CFAP54: variants seen among roughly 807,000 people sequenced by gnomAD.
The protein encoded by CFAP54 is cilia- and flagella-associated protein 54.
CFAP54 carries 290 observed loss-of-function variants against 370.4 expected under a neutral mutation model. That is an observed-to-expected ratio of 0.78 (90% CI 0.71 to 0.86). The LOEUF (loss-of-function observed/expected upper bound fraction) is 0.86, where lower values mean the gene tolerates loss of function less well. CFAP54 is among the 40% of genes least tolerant of loss of function. The pLI is 0.00. For missense variants in CFAP54, 3,399 were observed against 3,528.7 expected (o/e 0.96, Z 0.93); for synonymous variants, 1,206 against 1,236.5 (o/e 0.98, Z 0.52).
intron 15 of CFAP54, among the ~76,000 whole-genome samples, chr12:96,553,266 A>T (rs1181890351): frequency 6.6e-6 from 1 of 152,190 alleles, no homozygotes; most frequent in African/African-American, 2.4e-5. Context: ...AGCAGGAATA[A>T]GTTTCAACAA....
chr12:96,863,320 C>T (rs1959924550), intron 67 of CFAP54, among the ~76,000 whole-genome samples: 1 of 152,198 alleles, frequency 6.6e-6, no homozygotes, highest in Non-Finnish European at 1.5e-5. Context: ...ATTTACCTGA[C>T]AGGCACATAT....
chr12:96,534,063 G>A lies in CFAP54; in HGVS notation c.1541G>A (p.Arg514Lys), dbSNP rs1197361997. Reference sequence around the variant, plus strand: ...ACGTGTGGGATATACTTCCCCAAGAGGCAGGATGATCCAGAGTCAAAGAAA... The same window carrying A: ...ACGTGTGGGATATACTTCCCCAAGAAGCAGGATGATCCAGAGTCAAAGAAA... ...SAVHLIYFLQRQDDPESKKAE... is the reference protein window; with the variant it reads ...SAVHLIYFLQKQDDPESKKAE... Residue 514 changes from arginine to lysine, a missense_variant and splice_region_variant, in exon 11 of 68, where the codon AGG (arginine) becomes AAG (lysine). Physicochemically the swap from Arg to Lys is conservative, Grantham distance 26 (BLOSUM62 2). Transcript: ENST00000524981. 3 of 1,518,220 alleles carry A rather than the reference G, an allele frequency of 2.0e-6. No homozygotes were observed. The highest frequency in any genetic ancestry group is 1.8e-6 in the Non-Finnish European group (2 of 1,139,610). The allele number at this position is 1,518,220 out of a possible 1,614,324, so 94.0% of individuals were successfully genotyped here. A position where few individuals can be genotyped will look rare whatever the true frequency, so the allele number is the denominator to read the frequency against.
chr12:96,670,009 G>A (rs1334986168), intron 39 of CFAP54, among the ~76,000 whole-genome samples: 1 of 152,142 alleles, frequency 6.6e-6, no homozygotes, highest in African/African-American at 2.4e-5. Flanking sequence ...TTAACACAAT[G>A]GAAAGTCTGT....
intron 43 of CFAP54, among the ~76,000 whole-genome samples, chr12:96,689,306 G>A (rs559960206): frequency 6.6e-5 from 10 of 152,082 alleles, no homozygotes; most frequent in East Asian, 5.8e-4. Context: ...GACTACAGGC[G>A]CGCACCACCA....
At chr12:96,821,701 T>C (rs948301931) in intron 65 of CFAP54, among the ~76,000 whole-genome samples, 2 of 100,980 alleles carry the variant, frequency 2.0e-5, no homozygotes, top group Non-Finnish European at 4.0e-5. Context: ...GAGCACTTTA[T>C]TAAAAAAAAA....
intron 26 of CFAP54, among the ~76,000 whole-genome samples, chr12:96,616,365 G>C (rs1956417505): frequency 6.6e-6 from 1 of 151,994 alleles, no homozygotes; most frequent in South Asian, 2.1e-4. Flanking sequence ...CCTGTCGTGG[G>C]GTGGTGGGAG....
At chr12:96,826,337 A>G (rs1959102196) in intron 65 of CFAP54, among the ~76,000 whole-genome samples, 2 of 141,504 alleles carry the variant, frequency 1.4e-5, no homozygotes, top group South Asian at 4.2e-4. Context: ...TATATAGTCT[A>G]CAATATATAT....
At position 96,521,985 on chromosome 12, in the gene CFAP54, TG is replaced by T. The variant is rs1565883365; in HGVS notation, c.1056+16del. On this transcript the variant is annotated intron_variant, in intron 7 of 67. Coordinates refer to ENST00000524981, the MANE Select transcript of CFAP54 (RefSeq NM_001306084.2). ...CCACAATGAAGGTATAAAAATTTCA[TG>T]AAATAAAAGAAATTTACCACACTCT... 1 of 1,528,450 alleles carries T rather than the reference TG, an allele frequency of 6.5e-7. No individual in the cohort carries two copies. The highest frequency in any genetic ancestry group is 1.2e-5 in the South Asian group (1 of 83,690). 94.7% of individuals were successfully genotyped at this position (1,528,450 alleles called of 1,614,324 possible). A position where few individuals can be genotyped will look rare whatever the true frequency, so the allele number is the denominator to read the frequency against.
chr12:96,710,540 G>C (rs1178040732), intron 48 of CFAP54, among the ~76,000 whole-genome samples: 1 of 152,122 alleles, frequency 6.6e-6, no homozygotes, highest in Non-Finnish European at 1.5e-5. Flanking sequence ...AGGAGGTGGT[G>C]GGGGCATGGG....
chr12:96,826,349 C>CGACAATATATATA (rs1373935162), intron 65 of CFAP54, among the ~76,000 whole-genome samples: 1 of 62,946 alleles, frequency 1.6e-5, no homozygotes, highest in Non-Finnish European at 3.2e-5. Flanking sequence ...AATATATATA[C>CGACAATATATATA]TTGAATATAC....
intron 19 of CFAP54, among the ~76,000 whole-genome samples, chr12:96,567,760 C>T (rs1169846367): frequency 6.6e-6 from 1 of 151,968 alleles, no homozygotes; most frequent in East Asian, 1.9e-4. Flanking sequence ...TGTGCTGGTT[C>T]CCCTGTATGT....
chr12:96,806,213 T>TATATATATATAA lies in CFAP54; in HGVS notation c.8851-5522_8851-5521insTATATATATAAA, dbSNP rs1392329026. ...ATATATATATATATATATATATATATAATAACAACATAAAAAGAAAGTTGG... is the reference window on the plus strand; with the variant it reads ...ATATATATATATATATATATATATATATATATATATAAAATAACAACATAAAAAGAAAGTTGG... On this transcript the variant is annotated intron_variant, in intron 63 of 67. Transcript: ENST00000524981. Among the ~76,000 whole-genome samples the TATATATATATAA allele has an allele frequency of 1.6e-3, 80 of 49,590 alleles. 1 individual carries two copies. The highest frequency in any genetic ancestry group is 2.0e-3 in the East Asian group (3 of 1,478). The allele number at this position is 49,590 out of a possible 152,430, so 32.5% of individuals were successfully genotyped here. A position where few individuals can be genotyped will look rare whatever the true frequency, so the allele number is the denominator to read the frequency against.
intron 19 of CFAP54, among the ~76,000 whole-genome samples, chr12:96,569,394 C>A (rs889727735): frequency 1.3e-5 from 2 of 152,196 alleles, no homozygotes; most frequent in East Asian, 3.8e-4. Flanking sequence ...TAGTTTTGTA[C>A]ACCCTAATGT....
chr12:96,664,220 A>T (rs957986052), intron 39 of CFAP54, among the ~76,000 whole-genome samples: 5 of 152,018 alleles, frequency 3.3e-5, no homozygotes, highest in Non-Finnish European at 7.4e-5. Flanking sequence ...TGTTTTACAG[A>T]TTATTTTATC....
In CFAP54 at chr12:96,784,760, C is replaced by T. The variant is rs1958612864; in HGVS notation, c.8325C>T (p.Tyr2775=). The stretch of plus-strand genomic sequence containing the variant: ...TCCAGACTTCCTGTACATTTTTGTA[C>T]CAAAATGATGATGTGTGTGACAGCG... The part of the protein sequence containing the change: ...VLFQTSCTFL[Y]QNDDVCDSAD... The change falls in exon 61 of 68, where the codon TAC becomes TAT. Residue 2775 remains tyrosine (Y), a synonymous_variant. Transcript: ENST00000524981. 2.0e-6 allele frequency: 3 copies of T among 1,528,188 alleles called. No individual in the cohort carries two copies. Among genetic ancestry groups the T allele is most frequent in the Non-Finnish European group, 2.6e-6 (3 of 1,143,264 alleles). 94.7% of individuals were successfully genotyped at this position (1,528,188 alleles called of 1,614,324 possible).
At chr12:96,577,921 G>A (rs774379894) in intron 20 of CFAP54, among the ~76,000 whole-genome samples, 20 of 152,016 alleles carry the variant, frequency 1.3e-4, no homozygotes, top group Non-Finnish European at 2.1e-4. Context: ...AATTAGCTGG[G>A]CGTTGTGGCA....
chr12:96,734,701 TA>T (rs1206034909), intron 50 of CFAP54, among the ~76,000 whole-genome samples: 1 of 152,166 alleles, frequency 6.6e-6, no homozygotes, highest in Non-Finnish European at 1.5e-5. Flanking sequence ...TCACATGAAC[TA>T]AAAAGTTTTT....
rs1374510398 is a variant in CFAP54 at position 96,592,615 on chromosome 12, A to G, written c.3338A>G (p.Asn1113Ser). ...ENLFCDNIKGNEIFPSQQIAR... is the reference protein window; with the variant it reads ...ENLFCDNIKGSEIFPSQQIAR... The stretch of plus-strand genomic sequence containing the variant: ...CTTTTCTGTGATAATATTAAAGGCA[A>G]TGAGATTTTCCCATCTCAACAAGTA... Residue 1113 changes from asparagine (N) to serine (S), a missense_variant, in exon 24 of 68, where the codon AAT becomes AGT. Asn to Ser is a conservative substitution (Grantham distance 46). Coordinates refer to ENST00000524981, the MANE Select transcript of CFAP54 (RefSeq NM_001306084.2). The G allele has an allele frequency of 5.8e-6, 7 of 1,205,778 alleles. No individual in the cohort carries two copies. Among genetic ancestry groups the G allele is most frequent in the Admixed American group, 3.2e-5 (1 of 31,300 alleles). The allele number at this position is 1,205,778 out of a possible 1,614,324, so 74.7% of individuals were successfully genotyped here.
chr12:96,489,887 C>A lies in CFAP54; in HGVS notation c.278C>A (p.Ala93Asp). 6.5e-7 allele frequency: 1 copy of A among 1,534,870 alleles called. No individual in the cohort carries two copies. Among genetic ancestry groups the A allele is most frequent in the Non-Finnish European group, 8.7e-7 (1 of 1,145,952 alleles). ...TTTATGAGGAAAAAGAAGGCTTTAG[C>A]CACCACGGAGGAAGAGAAGCACGAA... ...LGFMRKKKALATTEEEKHEFR... is the reference protein window; with the variant it reads ...LGFMRKKKALDTTEEEKHEFR... The change falls in exon 1 of 68, where the codon GCC (alanine) becomes GAC (aspartate). Residue 93 changes from alanine to aspartate, a missense_variant. This residue lies in a region of CFAP54 where 559 missense variants were observed against 576.7 expected (regional missense o/e 0.97). Transcript: ENST00000524981.
Sources: gnomAD v4.1 joint callset for allele counts (sites outside exome capture counted in the v4.1 genomes callset) on GRCh38, gnomAD v4.1.1 for gene constraint, gnomAD v4.1.1 regional missense constraint, MANE v1.5 for transcripts, NCBI Gene and HGNC (gene_info 2026-07-23, HGNC 2026-07-21) for gene names.